CDH9: variants seen among roughly 807,000 people sequenced by gnomAD.
CDH9 encodes cadherin-9.
CDH9 carries 28 observed loss-of-function variants against 70.9 expected under a neutral mutation model. The ratio of observed to expected loss-of-function variants is 0.40; its 90% confidence interval spans 0.29 to 0.54. The LOEUF (loss-of-function observed/expected upper bound fraction) is 0.54. CDH9 is among the 20% of genes least tolerant of loss of function. CDH9 has a pLI of 0.59. For synonymous variants in CDH9, 409 were observed against 343.1 expected, an observed-to-expected ratio of 1.19 and a Z score of -2.12; for missense variants, 874 against 984.4, an observed-to-expected ratio of 0.89 and a Z score of 1.50.
chr5:26,949,185 T>C (rs192204631), intron 2 of CDH9, among the ~76,000 whole-genome samples: 1 of 152,298 alleles, frequency 6.6e-6, no homozygotes, highest in East Asian at 1.9e-4. Context: ...TAACAAGGGC[T>C]ACCAGTAAAT....
chr5:26,885,669 G>A lies in CDH9; in HGVS notation c.1827C>T (p.Ala609=), dbSNP rs1740552366. 5.0e-6 allele frequency: 8 copies of A among 1,613,688 alleles called. No individual in the cohort carries two copies. Among genetic ancestry groups the A allele is most frequent in the Middle Eastern group, 1.7e-4 (1 of 6,040 alleles). Residue 609 remains alanine, a synonymous_variant, in exon 11 of 12, where the codon GCC becomes GCT. Transcript: ENST00000231021. ...CAACGAGAGCTCCCGTGCTCAGGCC[G>A]GCTGAAAGGATCAGGGCTTCTGCGG... ...SCTAEALILS[A]GLSTGALVAI... is the part of the protein sequence containing the mutation.
rs150261657 is a variant in CDH9, at chr5:26,898,444, C to G, written c.1253+4032G>C. Among the ~76,000 whole-genome samples the G allele has an allele frequency of 1.1e-3, 171 of 152,192 alleles. 2 individuals carry two copies. The highest frequency in any genetic ancestry group is 4.0e-3 in the African/African-American group (166 of 41,532). On this transcript the variant is annotated intron_variant, in intron 7 of 11. Coordinates refer to ENST00000231021, the MANE Select transcript of CDH9 (RefSeq NM_016279.4). ...AACTACACTGCAAGTCTTCAGTAACCAAAACAGCATGTTACTGGCACCAAA... is the reference window on the plus strand; with the variant it reads ...AACTACACTGCAAGTCTTCAGTAACGAAAACAGCATGTTACTGGCACCAAA...
intron 1 of CDH9, among the ~76,000 whole-genome samples, chr5:27,035,674 A>ATGTGTGTG (rs201793026): frequency 8.9e-6 from 1 of 112,000 alleles, no homozygotes; most frequent in African/African-American, 3.6e-5. Context: ...ATTGCTATTG[A>ATGTGTGTG]CGTGTGTGTG....
At chr5:26,964,721 T>G (rs1742098860) in intron 2 of CDH9, among the ~76,000 whole-genome samples, 1 of 152,066 alleles carries the variant, frequency 6.6e-6, no homozygotes. Flanking sequence ...CATGTTGGTT[T>G]GCTGCACCCA....
intron 2 of CDH9, among the ~76,000 whole-genome samples, chr5:26,929,840 C>A (rs1300990200): frequency 6.6e-6 from 1 of 151,570 alleles, no homozygotes; most frequent in Non-Finnish European, 1.5e-5. Context: ...TTACCAGAGG[C>A]TGGGAAGTTT....
At chr5:26,921,981 A>G (rs1339291858) in intron 2 of CDH9, among the ~76,000 whole-genome samples, 1 of 151,890 alleles carries the variant, frequency 6.6e-6, no homozygotes, top group Non-Finnish European at 1.5e-5. Context: ...AACAGAAGAA[A>G]CAATTAGCTT....
intron 5 of CDH9, among the ~76,000 whole-genome samples, chr5:26,905,390 T>C (rs1033060095): frequency 1.3e-5 from 2 of 152,040 alleles, no homozygotes; most frequent in Non-Finnish European, 2.9e-5. Flanking sequence ...CTCACAAACA[T>C]AGTAAACCAT....
At position 26,967,007 on chromosome 5, in the gene CDH9, G is replaced by A. The variant is rs566234885; in HGVS notation, c.228+21099C>T. Reference sequence around the variant, plus strand: ...GAGTGCAGTGGTGAGATCACAGCTCGTTGCAGCCTGGATCTCCCAAGCTTA... The same window carrying A: ...GAGTGCAGTGGTGAGATCACAGCTCATTGCAGCCTGGATCTCCCAAGCTTA... On this transcript the variant is annotated intron_variant, in intron 2 of 11. Coordinates refer to ENST00000231021, the MANE Select transcript of CDH9 (RefSeq NM_016279.4). Among the ~76,000 whole-genome samples, 17 of 152,076 alleles carry A rather than the reference G, an allele frequency of 1.1e-4. No individual in the cohort carries two copies. The South Asian group carries it at 1.9e-3, about 17-fold the overall frequency.
intron 1 of CDH9, 68 bp from the exon 2 acceptor site, chr5:26,988,450 G>T (rs1339741948): frequency 7.6e-7 from 1 of 1,315,158 alleles, no homozygotes; most frequent in Non-Finnish European, 1.0e-6. Flanking sequence ...CGTGTAAACT[G>T]AAATACTTAT....
intron 8 of CDH9, 111 bp downstream of exon 8, chr5:26,890,317 A>G (rs1740635054): frequency 2.5e-6 from 2 of 812,236 alleles, no homozygotes; most frequent in Admixed American, 4.7e-5. Flanking sequence ...TTTCTCTAAG[A>G]TCTTGCTAAG....
intron 1 of CDH9, among the ~76,000 whole-genome samples, chr5:27,001,840 A>ACT (rs1275615228): frequency 2.2e-4 from 27 of 123,484 alleles, no homozygotes; most frequent in African/African-American, 9.4e-4. Context: ...ACACACACAC[A>ACT]CACACTCTCT....
rs894863514 is a variant in CDH9 at position 26,926,312 on chromosome 5, G to C, written c.229-10388C>G. Among the ~76,000 whole-genome samples, 14 of 151,568 alleles carry C rather than the reference G, an allele frequency of 9.2e-5. 1 individual carries two copies. The highest frequency in any genetic ancestry group is 1.6e-4 in the Non-Finnish European group (11 of 67,944). On this transcript the variant is annotated intron_variant, in intron 2 of 11. Transcript: ENST00000231021. ...ATACACCAATAACAGACAACAGAGAGACAAATCATGAGTGAACTCCCATTC... is the reference window on the plus strand; with the variant it reads ...ATACACCAATAACAGACAACAGAGACACAAATCATGAGTGAACTCCCATTC...
chr5:27,009,899 G>A (rs923345462), intron 1 of CDH9, among the ~76,000 whole-genome samples: 1 of 152,070 alleles, frequency 6.6e-6, no homozygotes, highest in Non-Finnish European at 1.5e-5. Flanking sequence ...AGACTTTGCT[G>A]TGTCTATTAA....
At chr5:26,912,687 A>T (rs184369394) in intron 3 of CDH9, among the ~76,000 whole-genome samples, 4 of 152,242 alleles carry the variant, frequency 2.6e-5, no homozygotes, top group Admixed American at 2.0e-4. Context: ...TTTCCAGACT[A>T]GATTTTGAAT....
At chr5:26,993,770 G>A (rs1742621301) in intron 1 of CDH9, among the ~76,000 whole-genome samples, 2 of 149,536 alleles carry the variant, frequency 1.3e-5, no homozygotes, top group African/African-American at 5.0e-5. Flanking sequence ...GATAATTCAG[G>A]TATGTGTTGT....
At chr5:26,940,375 TA>T (rs1435950358) in intron 2 of CDH9, among the ~76,000 whole-genome samples, 1 of 152,084 alleles carries the variant, frequency 6.6e-6, no homozygotes, top group Admixed American at 6.6e-5. Flanking sequence ...TAGTAGCAGT[TA>T]AAAAGGAGCT....
intron 1 of CDH9, among the ~76,000 whole-genome samples, chr5:27,029,064 A>G (rs954751720): frequency 6.6e-6 from 1 of 152,080 alleles, no homozygotes; most frequent in Non-Finnish European, 1.5e-5. Flanking sequence ...AGTAAAGGTT[A>G]TATCTCACTC....
chr5:26,957,522 C>T lies in CDH9; in HGVS notation c.228+30584G>A, dbSNP rs543689111. On this transcript the variant is annotated intron_variant, in intron 2 of 11. Coordinates refer to ENST00000231021, the MANE Select transcript of CDH9 (RefSeq NM_016279.4). The stretch of plus-strand genomic sequence containing the variant: ...ACTAAAAATACAAAAATTAGCCGGG[C>T]GTGGAGGTATGCGCCTGTAATCCCA... 8.8e-4 allele frequency among the ~76,000 whole-genome samples: 133 copies of T among 151,920 alleles called. 1 individual carries two copies. Among genetic ancestry groups the T allele is most frequent in the Middle Eastern group, 3.4e-3 (1 of 292 alleles).
At position 26,906,783 on chromosome 5, in the gene CDH9, A is replaced by G. The variant is rs1211195650; in HGVS notation, c.579T>C (p.Asn193=). Residue 193 remains asparagine, a synonymous_variant, in exon 4 of 12, where the codon AAT becomes AAC. Transcript: ENST00000231021. ...ATATGCTATAGACCACTTTGGCACT[A>G]TTTCCATAGTTGGCGTCATCTGCAT... ...ATDADDANYG[N]SAKVVYSILQ... 4.3e-6 allele frequency: 7 copies of G among 1,613,050 alleles called. No individual in the cohort carries two copies. Among genetic ancestry groups the G allele is most frequent in the Non-Finnish European group, 5.9e-6 (7 of 1,179,492 alleles).
Sources: gnomAD v4.1 joint callset for allele counts (sites outside exome capture counted in the v4.1 genomes callset) on GRCh38, gnomAD v4.1.1 for gene constraint, MANE v1.5 for transcripts, NCBI Gene and HGNC (gene_info 2026-07-23, HGNC 2026-07-21) for gene names.